Variants in GNA12 observed in about 807,000 individuals in gnomAD.
The protein encoded by GNA12 is guanine nucleotide-binding protein subunit alpha-12.
Under a neutral mutation model 26.0 loss-of-function variants are expected in GNA12, and 9 were observed. That is an observed-to-expected ratio of 0.35 (90% CI 0.21 to 0.60). The LOEUF is 0.60. Ranked by LOEUF, GNA12 falls within the 20% of genes least tolerant of loss-of-function variation. The pLI is 0.78. For missense variants in GNA12, 405 were observed against 525.8 expected, an observed-to-expected ratio of 0.77 and a Z score of 2.25; for synonymous variants, 264 against 219.6, an observed-to-expected ratio of 1.20 and a Z score of -1.79.
At chr7:2,803,112 C>T (rs1362892565) in intron 1 of GNA12, among the ~76,000 whole-genome samples, 2 of 152,076 alleles carry the variant, frequency 1.3e-5, no homozygotes, top group Non-Finnish European at 2.9e-5. Flanking sequence ...ACCCAAAAGG[C>T]GGTAAACTTG....
chr7:2,757,721 G>A (rs1791370205), intron 2 of GNA12, among the ~76,000 whole-genome samples: 1 of 152,138 alleles, frequency 6.6e-6, no homozygotes, highest in Non-Finnish European at 1.5e-5. Context: ...GTACTTCTTA[G>A]GGCAAAATAA....
At chr7:2,830,379 A>T (rs1161983098) in intron 1 of GNA12, among the ~76,000 whole-genome samples, 1 of 152,220 alleles carries the variant, frequency 6.6e-6, no homozygotes, top group Non-Finnish European at 1.5e-5. Context: ...CCTTCTGACT[A>T]AAGAGTCTGG....
chr7:2,783,360 G>A (rs1056047668), intron 2 of GNA12, among the ~76,000 whole-genome samples: 1 of 152,116 alleles, frequency 6.6e-6, no homozygotes, highest in Non-Finnish European at 1.5e-5. Context: ...GGTCTCCCGG[G>A]GAGCTGGCCC....
intron 1 of GNA12, among the ~76,000 whole-genome samples, chr7:2,800,091 A>G (rs1325723339): frequency 1.3e-5 from 2 of 152,248 alleles, no homozygotes; most frequent in African/African-American, 4.8e-5. Flanking sequence ...AGCTCTGTTC[A>G]TCATAGCCCC....
At chr7:2,806,474 A>AAG (rs1554262007) in intron 1 of GNA12, among the ~76,000 whole-genome samples, 2 of 151,202 alleles carry the variant, frequency 1.3e-5, no homozygotes, top group African/African-American at 2.4e-5. Flanking sequence ...AAAAAAAAAA[A>AAG]AAAAGAAAAA....
At chr7:2,842,389 C>T (rs568478661) in intron 1 of GNA12, among the ~76,000 whole-genome samples, 1 of 152,260 alleles carries the variant, frequency 6.6e-6, no homozygotes, top group East Asian at 1.9e-4. Context: ...GCCTCAACCT[C>T]CCAGGCTCAA....
At chr7:2,753,041 G>C (rs972684900) in intron 2 of GNA12, among the ~76,000 whole-genome samples, 2 of 152,016 alleles carry the variant, frequency 1.3e-5, no homozygotes, top group African/African-American at 4.8e-5. Context: ...TAATCCCTTG[G>C]TAACCACGAA....
intron 1 of GNA12, among the ~76,000 whole-genome samples, chr7:2,837,744 C>A (rs1176499393): frequency 1.3e-5 from 2 of 151,612 alleles, no homozygotes; most frequent in African/African-American, 4.8e-5. Context: ...GCAAACTGAT[C>A]GTTAAAGAAT....
At chr7:2,840,447 C>G (rs569701972) in intron 1 of GNA12, among the ~76,000 whole-genome samples, 1 of 152,230 alleles carries the variant, frequency 6.6e-6, no homozygotes, top group South Asian at 2.1e-4. Flanking sequence ...GTACAGCACA[C>G]AGTCCGTGCT....
At chr7:2,822,050 G>A (rs1793381148) in intron 1 of GNA12, among the ~76,000 whole-genome samples, 1 of 152,160 alleles carries the variant, frequency 6.6e-6, no homozygotes, top group Admixed American at 6.5e-5. Context: ...TGTAAAATGT[G>A]ATATACACAT....
At chr7:2,741,151 G>A (rs147669894) in intron 2 of GNA12, among the ~76,000 whole-genome samples, 3 of 152,326 alleles carry the variant, frequency 2.0e-5, no homozygotes, top group African/African-American at 7.2e-5. Flanking sequence ...GAGCTAGAAA[G>A]AAATTTTACA....
intron 2 of GNA12, among the ~76,000 whole-genome samples, chr7:2,739,644 C>T (rs141582337): frequency 2.2e-4 from 33 of 152,268 alleles, no homozygotes; most frequent in Middle Eastern, 3.4e-3. Flanking sequence ...CTTGAGTATA[C>T]ACCTAGGAGT....
At chr7:2,790,338 A>G (rs1182455135) in intron 2 of GNA12, among the ~76,000 whole-genome samples, 1 of 152,176 alleles carries the variant, frequency 6.6e-6, no homozygotes, top group Non-Finnish European at 1.5e-5. Context: ...TGTAGCCTGG[A>G]ACTCCTGGGC....
At chr7:2,825,153 G>C (rs57344547) in intron 1 of GNA12, among the ~76,000 whole-genome samples, 1,570 of 152,314 alleles carry the variant, frequency 0.01, 12 homozygotes, top group Middle Eastern at 0.071. Context: ...AAACAAGCAG[G>C]ACACTCAAAT....
intron 2 of GNA12, among the ~76,000 whole-genome samples, chr7:2,784,435 A>T (rs1449756312): frequency 6.6e-6 from 1 of 152,236 alleles, no homozygotes; most frequent in African/African-American, 2.4e-5. Context: ...AAATCTTACA[A>T]TTACTATATT....
At chr7:2,803,512 C>A (rs1318136794) in intron 1 of GNA12, among the ~76,000 whole-genome samples, 1 of 152,176 alleles carries the variant, frequency 6.6e-6, no homozygotes, top group Non-Finnish European at 1.5e-5. Context: ...AGGAATTCAC[C>A]AAACCTGCAG....
intron 2 of GNA12, among the ~76,000 whole-genome samples, chr7:2,765,410 C>T (rs757565032): frequency 2.0e-5 from 3 of 152,080 alleles, no homozygotes; most frequent in South Asian, 2.1e-4. Flanking sequence ...CCGCCCGCCT[C>T]GGCCTCCTAA....
At position 2,843,718 on chromosome 7, in the gene GNA12, G is replaced by T. The variant is rs576552632; in HGVS notation, c.309+135C>A. 2.5e-5 allele frequency: 11 copies of T among 439,372 alleles called. No individual in the cohort carries two copies. The Admixed American group carries it at 3.5e-4, about 14-fold the overall frequency. 27.2% of individuals were successfully genotyped at this position (439,372 alleles called of 1,614,324 possible). ...GGGGAATGGGTCGGGGGGGAGTGGGGTGCAGGCGGGGCTGGATCCAGCATC... is the reference window on the plus strand; with the variant it reads ...GGGGAATGGGTCGGGGGGGAGTGGGTTGCAGGCGGGGCTGGATCCAGCATC... On this transcript the variant is annotated intron_variant, in intron 1 of 3. Transcript: ENST00000275364.
intron 1 of GNA12, among the ~76,000 whole-genome samples, chr7:2,819,318 C>A (rs1392787906): frequency 6.6e-6 from 1 of 152,236 alleles, no homozygotes; most frequent in African/African-American, 2.4e-5. Context: ...GGAACACAGT[C>A]CGGCTGGAAC....
Sources: gnomAD v4.1 joint callset for allele counts (sites outside exome capture counted in the v4.1 genomes callset) on GRCh38, gnomAD v4.1.1 for gene constraint, MANE v1.5 for transcripts, NCBI Gene and HGNC (gene_info 2026-07-23, HGNC 2026-07-21) for gene names.